Variants in GTF2IRD1 observed in about 807,000 individuals in gnomAD.
The protein encoded by GTF2IRD1 is GTF2I repeat domain containing 1, also known as general transcription factor II-I repeat domain-containing protein 1.
A neutral mutation model predicts 113.2 loss-of-function variants in GTF2IRD1; 26 were observed. The observed-to-expected ratio is 0.23, with a 90% CI of 0.17 to 0.32. GTF2IRD1 has a LOEUF of 0.32. Ranked by LOEUF, GTF2IRD1 falls within the 10% of genes least tolerant of loss-of-function variation. GTF2IRD1 has a pLI of 1.00. For synonymous variants in GTF2IRD1, 484 were observed against 529.1 expected (o/e 0.91, Z 1.17); for missense variants, 864 against 1,280.8 (o/e 0.67, Z 4.97).
chr7:74,495,619 TGACACCTCCACATCCTGGAG>T (rs1159739274), intron 1 of GTF2IRD1, among the ~76,000 whole-genome samples: 1 of 152,124 alleles, frequency 6.6e-6, no homozygotes, highest in African/African-American at 2.4e-5. Flanking sequence ...ATGGGGGCTC[TGACACCTCCACATCCTGGAG>T]GAGGAGGGAA....
At chr7:74,599,920 G>A (rs1372625988) in intron 25 of GTF2IRD1, among the ~76,000 whole-genome samples, 1 of 152,092 alleles carries the variant, frequency 6.6e-6, no homozygotes, top group Non-Finnish European at 1.5e-5. Context: ...TCCCCTCACA[G>A]CCTTAAAGAG....
At chr7:74,526,849 T>C (rs1797630259) in intron 8 of GTF2IRD1, among the ~76,000 whole-genome samples, 1 of 151,942 alleles carries the variant, frequency 6.6e-6, no homozygotes. Flanking sequence ...ATTTCGAAGG[T>C]TTCATTTGAC....
intron 6 of GTF2IRD1, among the ~76,000 whole-genome samples, chr7:74,520,948 CA>C (rs1797259935): frequency 6.6e-6 from 1 of 150,832 alleles, no homozygotes; most frequent in Non-Finnish European, 1.5e-5. Context: ...ACATGTAAAA[CA>C]AGTGTTCTTA....
At chr7:74,544,937 G>T in intron 15 of GTF2IRD1, 135 bp downstream of exon 15, 2 of 662,414 alleles carry the variant, frequency 3.0e-6, no homozygotes, top group South Asian at 1.9e-5. Flanking sequence ...TGGTGTGGGG[G>T]TGGGAATCCT....
At position 74,555,334 on chromosome 7, in the gene GTF2IRD1, G is replaced by A; in HGVS notation, c.1967-104G>A. On this transcript the variant is annotated intron_variant, in intron 18 of 26. Transcript: ENST00000424337. This position sits in a 1 kb window ranked among gnomAD's most constrained non-coding sequence, Gnocchi z 5.3. ...TCTGTCCTGCTCCCATCCTGGCCCT[G>A]GCATTCTCCCCACACCCCCACATTG... The A allele has an allele frequency of 6.8e-7, 1 of 1,461,320 alleles. No individual in the cohort carries two copies. The highest frequency in any genetic ancestry group is 9.6e-7 in the Non-Finnish European group (1 of 1,042,816). 90.5% of individuals were successfully genotyped at this position (1,461,320 alleles called of 1,614,324 possible).
chr7:74,597,987 A>G (rs1385918414), intron 25 of GTF2IRD1, among the ~76,000 whole-genome samples: 2 of 152,196 alleles, frequency 1.3e-5, no homozygotes, highest in African/African-American at 4.8e-5. Context: ...CAGCCCAGCT[A>G]GAAGCCACCT....
chr7:74,598,093 C>T (rs587646947), intron 25 of GTF2IRD1, among the ~76,000 whole-genome samples: 5 of 152,104 alleles, frequency 3.3e-5, no homozygotes, highest in Admixed American at 6.6e-5. Context: ...CGTGGTGGCG[C>T]GTACCTGTTG....
At chr7:74,491,681 G>A (rs1326902638) in intron 1 of GTF2IRD1, among the ~76,000 whole-genome samples, 1 of 152,146 alleles carries the variant, frequency 6.6e-6, no homozygotes, top group African/African-American at 2.4e-5. Flanking sequence ...TGGCTGCATA[G>A]TATTCCATGG....
chr7:74,596,298 TA>T (rs1431646451), intron 25 of GTF2IRD1, among the ~76,000 whole-genome samples: 1 of 151,718 alleles, frequency 6.6e-6, no homozygotes, highest in Non-Finnish European at 1.5e-5. Flanking sequence ...CTGTCTCTAT[TA>T]AAAATACAAA....
chr7:74,527,121 G>T (rs896769967), intron 8 of GTF2IRD1, among the ~76,000 whole-genome samples: 2 of 152,196 alleles, frequency 1.3e-5, no homozygotes, highest in Admixed American at 6.5e-5. Flanking sequence ...AGTGTATCGA[G>T]GCCCCGTCCA....
chr7:74,564,660 GC>G (rs2130820345), intron 22 of GTF2IRD1, among the ~76,000 whole-genome samples: 1 of 152,300 alleles, frequency 6.6e-6, no homozygotes, highest in Admixed American at 6.5e-5. Context: ...GGAGGCTGAG[GC>G]GGGAGGATCC....
At chr7:74,499,496 A>G (rs1197815389) in intron 1 of GTF2IRD1, among the ~76,000 whole-genome samples, 2 of 152,210 alleles carry the variant, frequency 1.3e-5, no homozygotes, top group African/African-American at 4.8e-5. Flanking sequence ...CAATGAATGA[A>G]TGCATACATC....
chr7:74,555,275 C>T lies in GTF2IRD1; in HGVS notation c.1966+52C>T. The stretch of plus-strand genomic sequence containing the variant: ...GGTGTGGGCGGGCAAGGGAGGGCCC[C>T]AGGCCTCTGCCACCAGCCCCTCCTC... On this transcript the variant is annotated intron_variant, in intron 18 of 26. Transcript: ENST00000424337. This position sits in a 1 kb window ranked among gnomAD's most constrained non-coding sequence, Gnocchi z 5.3. 2 of 1,556,454 alleles carry T rather than the reference C, an allele frequency of 1.3e-6. No individual in the cohort carries two copies. Among genetic ancestry groups the T allele is most frequent in the Non-Finnish European group, 1.8e-6 (2 of 1,130,376 alleles).
intron 1 of GTF2IRD1, among the ~76,000 whole-genome samples, chr7:74,483,766 G>T (rs1364705671): frequency 2.6e-5 from 4 of 152,044 alleles, no homozygotes; most frequent in African/African-American, 9.7e-5. Flanking sequence ...GAGGCCGGCA[G>T]ATGGCTTGAG....
chr7:74,457,431 G>A (rs1231870358), intron 1 of GTF2IRD1, among the ~76,000 whole-genome samples: 3 of 152,150 alleles, frequency 2.0e-5, no homozygotes, highest in Non-Finnish European at 4.4e-5. Context: ...ATGAATGAAT[G>A]AATGAAATCC....
chr7:74,557,495 C>A (rs1799670198), intron 19 of GTF2IRD1, 144 bp from the exon 20 acceptor site: 2 of 598,838 alleles, frequency 3.3e-6, no homozygotes, highest in Admixed American at 6.0e-5. Flanking sequence ...CATGTCGGTG[C>A]TGAAGGACCT....
At chr7:74,592,320 G>C (rs1802107191) in intron 24 of GTF2IRD1, among the ~76,000 whole-genome samples, 1 of 151,566 alleles carries the variant, frequency 6.6e-6, no homozygotes, top group African/African-American at 2.4e-5. Flanking sequence ...GGTCAGGCTG[G>C]TCTCAAACTC....
intron 1 of GTF2IRD1, among the ~76,000 whole-genome samples, chr7:74,479,263 C>T (rs948006311): frequency 6.6e-6 from 1 of 152,192 alleles, no homozygotes. Flanking sequence ...TCCTTGGCCT[C>T]ACCCCAATGG....
chr7:74,496,510 G>T (rs1248161420), intron 1 of GTF2IRD1, among the ~76,000 whole-genome samples: 4 of 137,726 alleles, frequency 2.9e-5, no homozygotes, highest in Non-Finnish European at 6.2e-5. Flanking sequence ...TGTTCATGTG[G>T]GTGTGCGTGT....
Sources: gnomAD v4.1 joint callset for allele counts (sites outside exome capture counted in the v4.1 genomes callset) on GRCh38, gnomAD v4.1.1 for gene constraint, Gnocchi (gnomAD v3.1) non-coding constraint, MANE v1.5 for transcripts, NCBI Gene and HGNC (gene_info 2026-07-23, HGNC 2026-07-21) for gene names.